ARFGEF2: variants seen among roughly 807,000 people sequenced by gnomAD.
The protein encoded by ARFGEF2 is ARF guanine nucleotide exchange factor 2.
ARFGEF2 carries 74 observed loss-of-function variants against 219.9 expected under a neutral mutation model. The observed-to-expected ratio is 0.34, with a 90% confidence interval of 0.28 to 0.41. The LOEUF is 0.41. ARFGEF2 is among the 10% of genes least tolerant of loss of function. The pLI, the probability that ARFGEF2 is intolerant of heterozygous loss-of-function variation, is 1.00. For synonymous variants in ARFGEF2, 733 were observed against 799.2 expected (o/e 0.92, Z 1.40); for missense variants, 1,743 against 2,218.3 (o/e 0.79, Z 4.30).
At chr20:48,956,606 C>T (rs991555170) in intron 6 of ARFGEF2, among the ~76,000 whole-genome samples, 1 of 152,122 alleles carries the variant, frequency 6.6e-6, no homozygotes, top group African/African-American at 2.4e-5. Context: ...ATGAGTCTCG[C>T]CATCTTGCCC....
intron 16 of ARFGEF2, among the ~76,000 whole-genome samples, chr20:48,986,112 A>G (rs931120026): frequency 2.0e-5 from 3 of 152,218 alleles, no homozygotes; most frequent in Non-Finnish European, 4.4e-5. Flanking sequence ...TTTTGTAAGA[A>G]GTGGAAATAG....
chr20:48,990,580 G>A (rs2091352035), intron 20 of ARFGEF2, among the ~76,000 whole-genome samples: 2 of 152,090 alleles, frequency 1.3e-5, no homozygotes. Flanking sequence ...AAGACCACAA[G>A]CTTTGACGTT....
In ARFGEF2 at chr20:49,011,902, A is replaced by C. The variant is rs577996951; in HGVS notation, c.3758-22A>C. ...ATTTCTAAATCCTGGTCTTATGAAA[A>C]ATGTGCCTTGTGTTCCCCCAGCAAC... On this transcript the variant is annotated intron_variant, in intron 27 of 38. Coordinates refer to ENST00000371917, the MANE Select transcript of ARFGEF2 (RefSeq NM_006420.3). 123 of 1,614,066 alleles carry C rather than the reference A, an allele frequency of 7.6e-5. 1 individual carries two copies. In the South Asian group the frequency reaches 1.2e-3, roughly 16 times the overall value.
intron 26 of ARFGEF2, 40 bp downstream of exon 26, chr20:49,005,261 C>A: frequency 6.2e-7 from 1 of 1,612,820 alleles, no homozygotes. Context: ...TCAAATTCCC[C>A]GTTGGGGCTC....
At chr20:48,932,775 C>A (rs1337570733) in intron 1 of ARFGEF2, among the ~76,000 whole-genome samples, 1 of 152,104 alleles carries the variant, frequency 6.6e-6, no homozygotes, top group African/African-American at 2.4e-5. Context: ...TCCCCAGTTC[C>A]ATATAGGGAC....
At position 49,003,989 on chromosome 20, in the gene ARFGEF2, C is replaced by CAT. The variant is rs377365217; in HGVS notation, c.3433-1070_3433-1069dup. Among the ~76,000 whole-genome samples the CAT allele has an allele frequency of 2.4e-3, 358 of 152,028 alleles. 2 individuals carry two copies. The highest frequency in any genetic ancestry group is 8.2e-3 in the African/African-American group (340 of 41,458). ...TAGACTGTAAAGGCTTTTGACCCTT[C>CAT]ATATATATATATTTGGAGAAAATTA... On this transcript the variant is annotated intron_variant, in intron 25 of 38. Transcript: ENST00000371917.
At chr20:48,971,075 AT>A in intron 9 of ARFGEF2, 44 bp from the exon 10 acceptor site, 1 of 1,532,370 alleles carries the variant, frequency 6.5e-7, no homozygotes, top group Non-Finnish European at 9.0e-7. Context: ...ACTGTTTGAC[AT>A]TTTTTCTTTT....
At chr20:48,998,579 T>C (rs1410113334) in intron 25 of ARFGEF2, 74 bp downstream of exon 25, 4 of 1,518,380 alleles carry the variant, frequency 2.6e-6, no homozygotes, top group Middle Eastern at 2.2e-4. Flanking sequence ...AAAAAAGAAG[T>C]GATAAATAAT....
Position 49,025,446 on chromosome 20 carries a change from C to G in ARFGEF2, c.4889C>G (p.Ser1630Cys), listed in dbSNP as rs1174193247. ...CATTCATTCTCAAAGGCCTTCAACTCCAATTACGAGCAGCGGACTGTCCTG... is the reference window on the plus strand; with the variant it reads ...CATTCATTCTCAAAGGCCTTCAACTGCAATTACGAGCAGCGGACTGTCCTG... ...ESHSFSKAFN[S>C]NYEQRTVLWR... Residue 1630 changes from serine to cysteine, a missense_variant, in exon 36 of 39, where the codon TCC (serine) becomes TGC (cysteine). Transcript: ENST00000371917. 1.9e-6 allele frequency: 3 copies of G among 1,614,108 alleles called. No individual in the cohort carries two copies. The highest frequency in any genetic ancestry group is 2.2e-5 in the East Asian group (1 of 44,870).
chr20:48,941,808 GA>G, intron 2 of ARFGEF2, 55 bp from the exon 3 acceptor site: 1 of 1,613,326 alleles, frequency 6.2e-7, no homozygotes, highest in Admixed American at 1.7e-5. Flanking sequence ...TGGGAAGTTA[GA>G]GTAAGGTGTA....
intron 4 of ARFGEF2, among the ~76,000 whole-genome samples, 169 bp downstream of exon 4, chr20:48,951,638 G>T (rs1269606612): frequency 2.6e-5 from 4 of 152,068 alleles, no homozygotes; most frequent in Admixed American, 2.0e-4. Flanking sequence ...TTATTAGCGT[G>T]GACTGAGACA....
chr20:48,951,611 T>C, intron 4 of ARFGEF2, 142 bp downstream of exon 4: 5 of 1,177,600 alleles, frequency 4.2e-6, no homozygotes, highest in Non-Finnish European at 6.1e-6. Context: ...CTTAGATCTT[T>C]TGTTAGGTGT....
At chr20:48,994,643 T>G (rs1435879873) in intron 22 of ARFGEF2, 45 bp downstream of exon 22, 1 of 1,609,366 alleles carries the variant, frequency 6.2e-7, no homozygotes, top group South Asian at 1.1e-5. Flanking sequence ...ATTTGCAAGC[T>G]AACGGGGATG....
chr20:48,965,857 T>C lies in ARFGEF2; in HGVS notation c.908-15T>C. The stretch of plus-strand genomic sequence containing the variant: ...CAGTACTAATTTGGCTATGACTTTG[T>C]ACTTGTGTTTTAAGAAGCAGCGGAA... On this transcript the variant is annotated splice_polypyrimidine_tract_variant and intron_variant, in intron 7 of 38. Transcript: ENST00000371917. 6 of 1,614,130 alleles carry C rather than the reference T, an allele frequency of 3.7e-6. 1 individual carries two copies. In the South Asian group the frequency reaches 6.6e-5, roughly 18 times the overall value.
chr20:49,011,977 G>T lies in ARFGEF2; in HGVS notation c.3811G>T (p.Val1271Leu). 6.2e-7 allele frequency: 1 copy of T among 1,614,212 alleles called. No individual in the cohort carries two copies. Among genetic ancestry groups the T allele is most frequent in the Non-Finnish European group, 8.5e-7 (1 of 1,180,050 alleles). The part of the protein sequence containing the change: ...PAAIDSFQDA[V>L]KCLSEFACNA... Reference sequence around the variant, plus strand: ...AGCCATCGATTCCTTTCAGGATGCTGTGAAGTGCTTATCAGAGTTCGCCTG... The same window carrying T: ...AGCCATCGATTCCTTTCAGGATGCTTTGAAGTGCTTATCAGAGTTCGCCTG... The change falls in exon 28 of 39, where the codon GTG (valine) becomes TTG (leucine). Residue 1271 changes from valine to leucine, a missense_variant. By Grantham distance (32) the Val-to-Leu change is conservative. Coordinates refer to ENST00000371917, the MANE Select transcript of ARFGEF2 (RefSeq NM_006420.3).
At chr20:49,016,135 A>G (rs1472390789) in intron 30 of ARFGEF2, 145 bp from the exon 31 acceptor site, 5 of 821,576 alleles carry the variant, frequency 6.1e-6, no homozygotes, top group African/African-American at 5.1e-5. Context: ...TCCTCTGTAC[A>G]TATGAATGTA....
intron 25 of ARFGEF2, among the ~76,000 whole-genome samples, chr20:49,001,054 CTTTTTTT>C (rs66754799): frequency 3.3e-5 from 2 of 60,606 alleles, no homozygotes; most frequent in African/African-American, 5.6e-5. Context: ...CTCAGGAACT[CTTTTTTT>C]TTTTTTTTTT....
intron 21 of ARFGEF2, 103 bp from the exon 22 acceptor site, chr20:48,994,348 A>T: frequency 7.3e-7 from 1 of 1,375,176 alleles, no homozygotes; most frequent in Non-Finnish European, 1.0e-6. Context: ...ATATGGCATA[A>T]CTCCATTGAA....
At chr20:48,933,936 A>G (rs1242981956) in intron 1 of ARFGEF2, among the ~76,000 whole-genome samples, 2 of 152,046 alleles carry the variant, frequency 1.3e-5, no homozygotes, top group East Asian at 1.9e-4. Context: ...CCTGGCCAAC[A>G]TGGCGAAACC....
Sources: gnomAD v4.1 joint callset for allele counts (sites outside exome capture counted in the v4.1 genomes callset) on GRCh38, gnomAD v4.1.1 for gene constraint, MANE v1.5 for transcripts, NCBI Gene and HGNC (gene_info 2026-07-23, HGNC 2026-07-21) for gene names.